Variants in NHEJ1 observed in about 807,000 individuals in gnomAD.
The protein encoded by NHEJ1 is non-homologous end joining factor 1.
Under a neutral mutation model 39.4 loss-of-function variants are expected in NHEJ1, and 22 were observed. The observed-to-expected ratio is 0.56, with a 90% CI of 0.40 to 0.80. The LOEUF (loss-of-function observed/expected upper bound fraction) is 0.80, where lower values mean the gene tolerates loss of function less well. Among genes scored for constraint, NHEJ1 ranks in the 30% least tolerant of loss-of-function variants. The pLI is 0.00. For synonymous variants in NHEJ1, 154 were observed against 135.6 expected, an observed-to-expected ratio of 1.14 and a Z score of -0.94; for missense variants, 329 against 357.1, an observed-to-expected ratio of 0.92 and a Z score of 0.63.
chr2:219,138,872 T>G (rs766473171), intron 5 of NHEJ1, among the ~76,000 whole-genome samples: 7 of 152,184 alleles, frequency 4.6e-5, no homozygotes, highest in Non-Finnish European at 1.0e-4. Flanking sequence ...TGTAGATGGA[T>G]GTAGTCTATG....
rs1189356786 is a variant in NHEJ1, at chr2:219,159,540, TATATATATATGC to T, written c.-1+1168_-1+1179del. On this transcript the variant is annotated intron_variant, in intron 1 of 7. Coordinates refer to ENST00000356853, the MANE Select transcript of NHEJ1 (RefSeq NM_024782.3). The stretch of plus-strand genomic sequence containing the variant: ...ATATATATATGCATATATATATGCA[TATATATATATGC>T]ATATATATATGCATATATATATGCA... Among the ~76,000 whole-genome samples the T allele has an allele frequency of 2.6e-3, 85 of 32,810 alleles. 1 individual carries two copies. The highest frequency in any genetic ancestry group is 0.01 in the South Asian group (9 of 876). The allele number at this position is 32,810 out of a possible 152,430, so 21.5% of individuals were successfully genotyped here.
intron 3 of NHEJ1, among the ~76,000 whole-genome samples, chr2:219,148,462 G>A (rs1574742676): frequency 6.6e-6 from 1 of 152,286 alleles, no homozygotes; most frequent in East Asian, 1.9e-4. Flanking sequence ...GGGAGGCTGA[G>A]GTGGAAGGAT....
At chr2:219,093,122 G>A (rs1949176013) in intron 5 of NHEJ1, among the ~76,000 whole-genome samples, 1 of 152,090 alleles carries the variant, frequency 6.6e-6, no homozygotes, top group Admixed American at 6.5e-5. Context: ...TCGGTTCAGG[G>A]TACGTATACT....
chr2:219,146,318 C>T lies in NHEJ1; in HGVS notation c.588+362G>A, dbSNP rs538151011. 9.2e-5 allele frequency among the ~76,000 whole-genome samples: 14 copies of T among 152,306 alleles called. No individual in the cohort carries two copies. In the South Asian group the frequency reaches 2.3e-3, roughly 25 times the overall value. On this transcript the variant is annotated intron_variant, in intron 5 of 7. Coordinates refer to ENST00000356853, the MANE Select transcript of NHEJ1 (RefSeq NM_024782.3). Reference sequence around the variant, plus strand: ...CTGAAAGGGCCTAGACAAGTAATGACGCCTACCCTTCTCCTCCACAGTCCA... The same window carrying T: ...CTGAAAGGGCCTAGACAAGTAATGATGCCTACCCTTCTCCTCCACAGTCCA...
At chr2:219,110,654 G>A (rs557830501) in intron 5 of NHEJ1, among the ~76,000 whole-genome samples, 1 of 151,958 alleles carries the variant, frequency 6.6e-6, no homozygotes, top group Non-Finnish European at 1.5e-5. Context: ...TAGATGGGGT[G>A]GCCGGGAAGT....
intron 5 of NHEJ1, among the ~76,000 whole-genome samples, chr2:219,088,545 C>T (rs867735785): frequency 2.0e-5 from 3 of 151,840 alleles, no homozygotes; most frequent in Admixed American, 6.6e-5. Context: ...AAGTCATACA[C>T]AAAAGAGTAT....
Position 219,076,642 on chromosome 2 carries a change from C to A in NHEJ1, c.826-187G>T, listed in dbSNP as rs114178623. On this transcript the variant is annotated intron_variant, in intron 7 of 7. Coordinates refer to ENST00000356853, the MANE Select transcript of NHEJ1 (RefSeq NM_024782.3). ...CACTGCAGCCTTGAACTCCTGGGCT[C>A]GAGCAATCCGCCTGTCTCAGCCTCC... 0.017 allele frequency among the ~76,000 whole-genome samples: 2,534 copies of A among 149,618 alleles called. 85 individuals are homozygous for A. Among genetic ancestry groups the A allele is most frequent in the African/African-American group, 0.059 (2,397 of 40,418 alleles).
intron 5 of NHEJ1, among the ~76,000 whole-genome samples, chr2:219,108,419 C>A (rs73991049): frequency 0.016 from 2,453 of 152,212 alleles, 69 homozygotes; most frequent in African/African-American, 0.056. Flanking sequence ...AGTAAAGAGC[C>A]TATGTCTTTG....
intron 3 of NHEJ1, among the ~76,000 whole-genome samples, chr2:219,157,002 C>A (rs1175127029): frequency 6.6e-6 from 1 of 152,202 alleles, no homozygotes; most frequent in Non-Finnish European, 1.5e-5. Flanking sequence ...CTCTACATCT[C>A]TTGCCTACAA....
chr2:219,084,433 C>G (rs1679597505), intron 5 of NHEJ1, among the ~76,000 whole-genome samples: 1 of 152,174 alleles, frequency 6.6e-6, no homozygotes, highest in Non-Finnish European at 1.5e-5. Flanking sequence ...AGTGACCAGT[C>G]AAGGTCCAGA....
intron 5 of NHEJ1, among the ~76,000 whole-genome samples, chr2:219,083,057 C>T (rs1949080437): frequency 1.3e-5 from 2 of 152,202 alleles, no homozygotes; most frequent in South Asian, 4.1e-4. Flanking sequence ...AATGTAACTC[C>T]CCCTTCGCCA....
At chr2:219,088,479 T>C (rs147460396) in intron 5 of NHEJ1, among the ~76,000 whole-genome samples, 3,709 of 151,126 alleles carry the variant, frequency 0.025, 158 homozygotes, top group African/African-American at 0.085. Context: ...GGCAACAGAG[T>C]GAGACCCTGT....
intron 5 of NHEJ1, among the ~76,000 whole-genome samples, chr2:219,145,579 T>G (rs1949731244): frequency 6.6e-6 from 1 of 152,232 alleles, no homozygotes; most frequent in Non-Finnish European, 1.5e-5. Flanking sequence ...AATACCAGAT[T>G]ATAATAGCAT....
chr2:219,140,174 A>T (rs774398698), intron 5 of NHEJ1, among the ~76,000 whole-genome samples: 4 of 152,244 alleles, frequency 2.6e-5, no homozygotes, highest in Admixed American at 6.5e-5. Context: ...TTAGAAAAAC[A>T]GCAAGAGGCC....
At chr2:219,143,496 T>G (rs1397115711) in intron 5 of NHEJ1, among the ~76,000 whole-genome samples, 1 of 152,182 alleles carries the variant, frequency 6.6e-6, no homozygotes, top group African/African-American at 2.4e-5. Context: ...TCCTAGACTA[T>G]GTGTCAAGAA....
intron 5 of NHEJ1, among the ~76,000 whole-genome samples, chr2:219,089,262 T>C (rs1389322113): frequency 4.6e-5 from 7 of 152,182 alleles, no homozygotes; most frequent in African/African-American, 1.4e-4. Flanking sequence ...ACGGAAAACA[T>C]AGTTAACACA....
intron 3 of NHEJ1, among the ~76,000 whole-genome samples, chr2:219,155,439 TTTA>T (rs1949844508): frequency 2.0e-5 from 3 of 151,680 alleles, no homozygotes; most frequent in Non-Finnish European, 4.4e-5. Flanking sequence ...TTTTTTTAAT[TTTA>T]TTTTTTAAAT....
chr2:219,078,962 T>C (rs1949039187), intron 5 of NHEJ1, among the ~76,000 whole-genome samples: 1 of 152,212 alleles, frequency 6.6e-6, no homozygotes, highest in African/African-American at 2.4e-5. Context: ...AAAAAATGTC[T>C]TAAAAGGTTC....
At chr2:219,144,012 C>T (rs1417165786) in intron 5 of NHEJ1, among the ~76,000 whole-genome samples, 1 of 152,110 alleles carries the variant, frequency 6.6e-6, no homozygotes, top group Non-Finnish European at 1.5e-5. Flanking sequence ...ACCAGCCTGG[C>T]CAACATGGTA....
Sources: allele counts gnomAD v4.1 joint callset (sites outside exome capture counted in the v4.1 genomes callset), GRCh38; gene constraint gnomAD v4.1.1; transcripts MANE v1.5; gene names NCBI Gene and HGNC (gene_info 2026-07-23, HGNC 2026-07-21).